SACM1L: variants seen among roughly 807,000 people sequenced by gnomAD.
SACM1L encodes the protein SAC1 like phosphatidylinositide phosphatase.
Under a neutral mutation model 89.5 loss-of-function variants are expected in SACM1L, and 32 were observed. That is an observed-to-expected ratio of 0.36 (90% confidence interval 0.27 to 0.48). The LOEUF is 0.48. Ranked by LOEUF, SACM1L falls within the 20% of genes least tolerant of loss-of-function variation. The probability of loss-of-function intolerance (pLI) is 0.99; values close to 1 mark genes in which losing one functional copy is unlikely to be tolerated. For missense variants in SACM1L, 543 were observed against 708.5 expected, an observed-to-expected ratio of 0.77 and a Z score of 2.65; for synonymous variants, 213 against 232.8, an observed-to-expected ratio of 0.92 and a Z score of 0.77.
chr3:45,738,941 T>G (rs1290324689), intron 18 of SACM1L, 68 bp downstream of exon 18: 3 of 947,762 alleles, frequency 3.2e-6, no homozygotes, highest in Admixed American at 2.2e-5. Context: ...ATGGTTTCAG[T>G]CTCAATTTAA....
Position 45,722,871 on chromosome 3 carries a change from T to C in SACM1L, c.768T>C (p.Thr256=). The change falls in exon 10 of 20, where the codon ACT becomes ACC. Residue 256 remains threonine, a splice_region_variant and synonymous_variant. Transcript: ENST00000389061. Reference sequence around the variant, plus strand: ...CACATTTCTCTCTTTTCTTTTAGACTCGAGGATCAATACCTGTTTTCTGGT... The same window carrying C: ...CACATTTCTCTCTTTTCTTTTAGACCCGAGGATCAATACCTGTTTTCTGGT... ...YNGSKASFVQ[T]RGSIPVFWSQ... 6.2e-7 allele frequency: 1 copy of C among 1,610,206 alleles called. No homozygotes were observed. The highest frequency in any genetic ancestry group is 8.5e-7 in the Non-Finnish European group (1 of 1,176,702).
chr3:45,716,545 G>A (rs1437322778), intron 7 of SACM1L, among the ~76,000 whole-genome samples: 6 of 152,122 alleles, frequency 3.9e-5, no homozygotes, highest in African/African-American at 9.7e-5. Context: ...GGTGGGTGGG[G>A]GTCAGCGCAC....
At chr3:45,702,874 G>T (rs369728879) in intron 1 of SACM1L, among the ~76,000 whole-genome samples, 26 of 152,070 alleles carry the variant, frequency 1.7e-4, no homozygotes, top group Middle Eastern at 6.8e-3. Context: ...CACCCCACCT[G>T]AATGTTAAAG....
At chr3:45,710,408 G>T (rs1698498694) in intron 5 of SACM1L, among the ~76,000 whole-genome samples, 1 of 151,360 alleles carries the variant, frequency 6.6e-6, no homozygotes, top group African/African-American at 2.4e-5. Context: ...GCCCAGGCTG[G>T]CCTTGAACTC....
At chr3:45,720,993 G>A (rs748142743) in intron 8 of SACM1L, among the ~76,000 whole-genome samples, 22 of 152,288 alleles carry the variant, frequency 1.4e-4, no homozygotes, top group Middle Eastern at 3.4e-3. Context: ...CTTAGCAAGC[G>A]TTTCTTTGTA....
At chr3:45,733,041 C>G (rs918597288) in intron 13 of SACM1L, among the ~76,000 whole-genome samples, 9 of 152,126 alleles carry the variant, frequency 5.9e-5, no homozygotes, top group Non-Finnish European at 1.5e-5. Flanking sequence ...GGAAATTGAC[C>G]TCCTGTTGTT....
chr3:45,720,386 T>C (rs1046636736), intron 8 of SACM1L, among the ~76,000 whole-genome samples: 2 of 152,232 alleles, frequency 1.3e-5, no homozygotes, highest in Non-Finnish European at 2.9e-5. Flanking sequence ...AAAAGTATTT[T>C]TTTAATGCAA....
intron 11 of SACM1L, among the ~76,000 whole-genome samples, chr3:45,727,723 G>A (rs1165597609): frequency 6.6e-6 from 1 of 152,098 alleles, no homozygotes; most frequent in East Asian, 1.9e-4. Flanking sequence ...AGCCTCCCGA[G>A]TAGCTGGGAC....
chr3:45,713,323 T>G, intron 6 of SACM1L, 127 bp downstream of exon 6: 1 of 726,334 alleles, frequency 1.4e-6, no homozygotes, highest in East Asian at 2.8e-5. Context: ...GTTTATAACT[T>G]ACAAACTTGG....
intron 11 of SACM1L, among the ~76,000 whole-genome samples, 164 bp downstream of exon 11, chr3:45,723,707 G>C (rs1478764098): frequency 6.6e-6 from 1 of 151,926 alleles, no homozygotes; most frequent in Admixed American, 6.6e-5. Flanking sequence ...CATCATACCA[G>C]ACAGAAACTC....
At chr3:45,720,000 G>T (rs1488555812) in intron 8 of SACM1L, among the ~76,000 whole-genome samples, 1 of 152,146 alleles carries the variant, frequency 6.6e-6, no homozygotes, top group East Asian at 1.9e-4. Flanking sequence ...TACATTTTGA[G>T]CATTTATTTT....
chr3:45,737,537 G>A (rs547160276), intron 14 of SACM1L, 46 bp from the exon 15 acceptor site: 1 of 1,548,042 alleles, frequency 6.5e-7, no homozygotes, highest in South Asian at 1.2e-5. Flanking sequence ...AACCATGTCT[G>A]CTAAAATCTA....
At chr3:45,726,852 C>T (rs1559548005) in intron 11 of SACM1L, among the ~76,000 whole-genome samples, 1 of 149,306 alleles carries the variant, frequency 6.7e-6, no homozygotes, top group Admixed American at 6.7e-5. Context: ...TTCCTCAGCA[C>T]TGCTTTTGCT....
chr3:45,731,735 T>C (rs1301687623), intron 12 of SACM1L, among the ~76,000 whole-genome samples: 2 of 152,260 alleles, frequency 1.3e-5, no homozygotes, highest in East Asian at 3.9e-4. Context: ...TTCACTACCA[T>C]TTGTTGTGTT....
At chr3:45,693,158 C>T (rs536691072) in intron 1 of SACM1L, among the ~76,000 whole-genome samples, 135 of 152,256 alleles carry the variant, frequency 8.9e-4, no homozygotes, top group Non-Finnish European at 1.4e-3. Context: ...CATACATAAA[C>T]AAGAAAAGGT....
intron 10 of SACM1L, 62 bp downstream of exon 10, chr3:45,723,017 G>A (rs1698822047): frequency 7.9e-7 from 1 of 1,259,752 alleles, no homozygotes; most frequent in East Asian, 2.3e-5. Context: ...ATTATAATTT[G>A]CATGTAAAGA....
rs528458497 is a variant in SACM1L, at chr3:45,731,378, G to A, written c.999G>A (p.Met333Ile). ...TMVSSLGSGM[M>I]RYIAFDFHKE... is the part of the protein sequence containing the mutation. ...TGTCTTCCTTGGGAAGTGGAATGAT[G>A]AGGTACCTCACTAGAAATCTGTTGC... The change falls in exon 12 of 20, where the codon ATG (methionine) becomes ATA (isoleucine). Residue 333 changes from methionine (M) to isoleucine (I), a missense_variant and splice_region_variant. Physicochemically the swap from Met to Ile is conservative, Grantham distance 10. Coordinates refer to ENST00000389061, the MANE Select transcript of SACM1L (RefSeq NM_014016.5). 1.9e-6 allele frequency: 3 copies of A among 1,608,346 alleles called. No homozygotes were observed. The highest frequency in any genetic ancestry group is 2.2e-5 in the East Asian group (1 of 44,808).
chr3:45,717,726 C>T (rs958341175), intron 7 of SACM1L, among the ~76,000 whole-genome samples: 2 of 152,210 alleles, frequency 1.3e-5, no homozygotes, highest in Non-Finnish European at 2.9e-5. Flanking sequence ...CCCCCTGCTC[C>T]CCAGCCACAG....
chr3:45,743,633 T>C lies in SACM1L; in HGVS notation c.1728T>C (p.Asp576=). The change falls in exon 20 of 20, where the codon GAT becomes GAC. Residue 576 remains aspartate (D), a synonymous_variant. Transcript: ENST00000389061. The part of the protein sequence containing the change: ...IILYNGKDFV[D]APRLVQKEKI... Reference sequence around the variant, plus strand: ...TTTACAATGGCAAAGATTTTGTCGATGCTCCCAGACTGGTCCAGAAAGAAA... The same window carrying C: ...TTTACAATGGCAAAGATTTTGTCGACGCTCCCAGACTGGTCCAGAAAGAAA... 1.2e-6 allele frequency: 2 copies of C among 1,614,152 alleles called. No individual in the cohort carries two copies. The highest frequency in any genetic ancestry group is 1.7e-6 in the Non-Finnish European group (2 of 1,179,994).
Sources: allele counts gnomAD v4.1 joint callset (sites outside exome capture counted in the v4.1 genomes callset), GRCh38; gene constraint gnomAD v4.1.1; transcripts MANE v1.5; gene names NCBI Gene and HGNC (gene_info 2026-07-23, HGNC 2026-07-21).